Variants in BRINP3 observed in about 807,000 individuals in gnomAD.
BRINP3 encodes the protein BMP/retinoic acid-inducible neural-specific protein 3.
BRINP3 carries 19 observed loss-of-function variants against 71.0 expected under a neutral mutation model. The observed-to-expected ratio is 0.27, with a 90% CI of 0.19 to 0.39. The LOEUF is 0.39. Among genes scored for constraint, BRINP3 ranks in the 10% least tolerant of loss-of-function variants. BRINP3 has a pLI of 1.00. For missense variants in BRINP3, 959 were observed against 940.8 expected (o/e 1.02, Z -0.25); for synonymous variants, 380 against 337.7 (o/e 1.13, Z -1.37).
intron 2 of BRINP3, among the ~76,000 whole-genome samples, chr1:190,325,517 T>C (rs1434178043): frequency 1.3e-5 from 2 of 152,038 alleles, no homozygotes; most frequent in Non-Finnish European, 1.5e-5. Flanking sequence ...AATTACATAC[T>C]GAAGAGTTCA....
chr1:190,194,674 G>T (rs1469954520), intron 6 of BRINP3, among the ~76,000 whole-genome samples: 1 of 152,000 alleles, frequency 6.6e-6, no homozygotes, highest in Non-Finnish European at 1.5e-5. Flanking sequence ...ATAGAATTGG[G>T]ATAAGCCACT....
At chr1:190,181,076 C>A (rs1466563371) in intron 6 of BRINP3, among the ~76,000 whole-genome samples, 2 of 152,086 alleles carry the variant, frequency 1.3e-5, no homozygotes, top group East Asian at 1.9e-4. Flanking sequence ...CTGTACCTAA[C>A]CCCTGGCAAA....
intron 2 of BRINP3, among the ~76,000 whole-genome samples, chr1:190,366,400 T>C (rs1208730056): frequency 1.3e-5 from 2 of 152,150 alleles, no homozygotes; most frequent in Non-Finnish European, 2.9e-5. Flanking sequence ...ACTGCCCCCA[T>C]GATTGAATTA....
chr1:190,422,575 A>T (rs906979249), intron 2 of BRINP3, among the ~76,000 whole-genome samples: 1 of 151,794 alleles, frequency 6.6e-6, no homozygotes. Flanking sequence ...GTAACTAGAA[A>T]CATACCAATC....
intron 7 of BRINP3, among the ~76,000 whole-genome samples, chr1:190,111,267 C>T (rs962029638): frequency 2.7e-5 from 4 of 150,070 alleles, no homozygotes; most frequent in Non-Finnish European, 5.9e-5. Flanking sequence ...TGGTAATCAC[C>T]TCCTTATTTA....
chr1:190,330,825 T>A (rs1328009100), intron 2 of BRINP3, among the ~76,000 whole-genome samples: 1 of 151,996 alleles, frequency 6.6e-6, no homozygotes, highest in Non-Finnish European at 1.5e-5. Flanking sequence ...TTATGTCCTT[T>A]GCAGCAATGT....
chr1:190,181,930 T>C (rs922730095), intron 6 of BRINP3, among the ~76,000 whole-genome samples: 2 of 152,038 alleles, frequency 1.3e-5, no homozygotes, highest in African/African-American at 4.8e-5. Flanking sequence ...TTTTCCTTCA[T>C]TGGAAACCTA....
chr1:190,243,485 A>C (rs546189503), intron 4 of BRINP3, among the ~76,000 whole-genome samples: 16 of 152,288 alleles, frequency 1.1e-4, no homozygotes, highest in Admixed American at 1.0e-3. Flanking sequence ...TGTGGCAGCT[A>C]TAACTGATGG....
At chr1:190,462,257 A>G (rs1269109073) in intron 1 of BRINP3, among the ~76,000 whole-genome samples, 1 of 152,198 alleles carries the variant, frequency 6.6e-6, no homozygotes, top group Non-Finnish European at 1.5e-5. Flanking sequence ...GGACAAAAAT[A>G]GAAAGTATTA....
At chr1:190,103,921 T>C (rs940278205) in intron 7 of BRINP3, among the ~76,000 whole-genome samples, 3 of 151,816 alleles carry the variant, frequency 2.0e-5, no homozygotes, top group African/African-American at 7.3e-5. Flanking sequence ...TTTTTTTTTT[T>C]AATTTCATCT....
chr1:190,456,973 T>C (rs1279984747), intron 1 of BRINP3, among the ~76,000 whole-genome samples: 2 of 152,096 alleles, frequency 1.3e-5, no homozygotes, highest in African/African-American at 4.8e-5. Flanking sequence ...ATTGAAAAAA[T>C]TCAAACAGTA....
At chr1:190,427,224 G>T (rs7547903) in intron 2 of BRINP3, among the ~76,000 whole-genome samples, 1 of 151,556 alleles carries the variant, frequency 6.6e-6, no homozygotes, top group East Asian at 1.9e-4. Context: ...TTTGGCCAGG[G>T]TGCTTGTGTC....
chr1:190,441,746 C>T (rs924807273), intron 2 of BRINP3, among the ~76,000 whole-genome samples: 3 of 152,024 alleles, frequency 2.0e-5, no homozygotes, highest in Non-Finnish European at 4.4e-5. Flanking sequence ...ACATGCAATG[C>T]TCTCAAGAGT....
At chr1:190,316,603 T>C (rs1665899021) in intron 2 of BRINP3, among the ~76,000 whole-genome samples, 1 of 152,166 alleles carries the variant, frequency 6.6e-6, no homozygotes, top group Non-Finnish European at 1.5e-5. Context: ...TTTTACTAAA[T>C]GAGATTTATA....
At chr1:190,444,824 C>T (rs1392001051) in intron 2 of BRINP3, among the ~76,000 whole-genome samples, 2 of 152,146 alleles carry the variant, frequency 1.3e-5, no homozygotes, top group South Asian at 2.1e-4. Context: ...CGTGAGCCAC[C>T]GCGCCTGGCC....
intron 6 of BRINP3, among the ~76,000 whole-genome samples, chr1:190,183,050 T>C (rs1653167613): frequency 6.6e-6 from 1 of 152,140 alleles, no homozygotes; most frequent in South Asian, 2.1e-4. Context: ...AGCGTAGAAG[T>C]ACACTGTGAG....
intron 2 of BRINP3, among the ~76,000 whole-genome samples, chr1:190,365,872 A>C (rs529086676): frequency 2.1e-4 from 31 of 147,268 alleles, no homozygotes; most frequent in African/African-American, 7.7e-4. Flanking sequence ...TCCTGTCAAA[A>C]TTTGAGAGAT....
intron 2 of BRINP3, chr1:190,342,292 A>G (rs1667710314): frequency 6.7e-6 from 1 of 149,582 alleles, no homozygotes; most frequent in Admixed American, 6.8e-5. Flanking sequence ...GTAACCTAGC[A>G]TATTCACATT....
intron 2 of BRINP3, among the ~76,000 whole-genome samples, chr1:190,420,302 A>G (rs1246547081): frequency 6.6e-6 from 1 of 152,132 alleles, no homozygotes; most frequent in East Asian, 1.9e-4. Context: ...TTTAACAAGA[A>G]TATATAGCAT....
Sources: allele counts gnomAD v4.1 joint callset (sites outside exome capture counted in the v4.1 genomes callset), GRCh38; gene constraint gnomAD v4.1.1; transcripts MANE v1.5; gene names NCBI Gene and HGNC (gene_info 2026-07-23, HGNC 2026-07-21).